Variants in GAREM1 observed in about 807,000 individuals in gnomAD.
GAREM1 encodes GRB2-associated and regulator of MAPK protein 1.
In GAREM1, 26 loss-of-function variants were observed where a neutral mutation model predicts 71.3. That is an observed-to-expected ratio of 0.36 (90% confidence interval 0.27 to 0.51). The LOEUF (loss-of-function observed/expected upper bound fraction) is 0.51. GAREM1 is among the 20% of genes least tolerant of loss of function. GAREM1 has a pLI of 0.95. For synonymous variants in GAREM1, 440 were observed against 433.2 expected (o/e 1.02, Z -0.20); for missense variants, 1,026 against 1,103.1 (o/e 0.93, Z 0.99).
chr18:32,404,182 C>G (rs2048344259), intron 1 of GAREM1, among the ~76,000 whole-genome samples: 1 of 152,106 alleles, frequency 6.6e-6, no homozygotes, highest in Admixed American at 6.5e-5. Flanking sequence ...ATTAAAGCAC[C>G]CTTGTGAATT....
At chr18:32,340,663 C>T (rs534114458) in intron 2 of GAREM1, among the ~76,000 whole-genome samples, 1 of 152,206 alleles carries the variant, frequency 6.6e-6, no homozygotes, top group East Asian at 1.9e-4. Flanking sequence ...TGCAACAACT[C>T]AACAATAGGA....
At chr18:32,420,802 C>T (rs1022030084) in intron 1 of GAREM1, among the ~76,000 whole-genome samples, 4 of 151,064 alleles carry the variant, frequency 2.6e-5, no homozygotes, top group Admixed American at 6.6e-5. Flanking sequence ...AAGAGAGCCA[C>T]ATAGTACTTA....
chr18:32,468,158 C>T (rs2049016008), intron 1 of GAREM1, among the ~76,000 whole-genome samples: 1 of 152,204 alleles, frequency 6.6e-6, no homozygotes, highest in African/African-American at 2.4e-5. Flanking sequence ...GACTGACATG[C>T]TTGTTCAGCA....
Position 32,270,205 on chromosome 18 carries a change from AG to A in GAREM1, c.1733+11del. 2.5e-6 allele frequency: 4 copies of A among 1,613,344 alleles called. No homozygotes were observed. The highest frequency in any genetic ancestry group is 3.4e-6 in the Non-Finnish European group (4 of 1,179,716). On this transcript the variant is annotated intron_variant, in intron 5 of 5. Transcript: ENST00000269209. Reference sequence around the variant, plus strand: ...AGATAAGCGTGCAGTGGGACCTGGCAGGAAGACTTACATGTTGTGTAGCCCT... The same window carrying A: ...AGATAAGCGTGCAGTGGGACCTGGCAGAAGACTTACATGTTGTGTAGCCCT...
intron 5 of GAREM1, among the ~76,000 whole-genome samples, chr18:32,269,714 C>G (rs2041429816): frequency 6.6e-6 from 1 of 151,880 alleles, no homozygotes; most frequent in Non-Finnish European, 1.5e-5. Context: ...AGCTGTGTTG[C>G]AGAAGAATGA....
intron 2 of GAREM1, among the ~76,000 whole-genome samples, chr18:32,368,484 T>C (rs1055968205): frequency 1.3e-5 from 2 of 152,206 alleles, no homozygotes; most frequent in Admixed American, 6.5e-5. Context: ...TTCTGCCTAG[T>C]AGAATTAAAA....
intron 1 of GAREM1, among the ~76,000 whole-genome samples, chr18:32,435,251 G>T (rs1411803277): frequency 6.6e-6 from 1 of 151,108 alleles, no homozygotes; most frequent in Non-Finnish European, 1.5e-5. Context: ...TGAATCTTGG[G>T]ATGAAAAAAA....
At position 32,431,121 on chromosome 18, in the gene GAREM1, A is replaced by G. The variant is rs560683500; in HGVS notation, c.122-38086T>C. Among the ~76,000 whole-genome samples the G allele has an allele frequency of 7.2e-5, 11 of 152,312 alleles. No homozygotes were observed. The East Asian group carries it at 2.1e-3, about 29-fold the overall frequency. ...CCACTACCCAAGACCAAGACTGGTTACTGAGTGGTGCACACAGATGTCAGA... is the reference window on the plus strand; with the variant it reads ...CCACTACCCAAGACCAAGACTGGTTGCTGAGTGGTGCACACAGATGTCAGA... On this transcript the variant is annotated intron_variant, in intron 1 of 5. Coordinates refer to ENST00000269209, the MANE Select transcript of GAREM1 (RefSeq NM_001242409.2).
intron 1 of GAREM1, among the ~76,000 whole-genome samples, chr18:32,458,842 AAGGT>A (rs2048924986): frequency 6.6e-6 from 1 of 152,120 alleles, no homozygotes; most frequent in East Asian, 1.9e-4. Context: ...TCCACTGCTG[AAGGT>A]AGAATCTTTC....
chr18:32,327,934 T>G (rs541865981), intron 2 of GAREM1, among the ~76,000 whole-genome samples: 1 of 152,266 alleles, frequency 6.6e-6, no homozygotes, highest in East Asian at 1.9e-4. Flanking sequence ...ATAGGTACAA[T>G]GCTCAACAAA....
At chr18:32,397,081 A>C (rs2048264889) in intron 1 of GAREM1, among the ~76,000 whole-genome samples, 1 of 152,154 alleles carries the variant, frequency 6.6e-6, no homozygotes, top group African/African-American at 2.4e-5. Flanking sequence ...GAAATAAAAT[A>C]CTTTACAGAC....
intron 1 of GAREM1, among the ~76,000 whole-genome samples, chr18:32,426,039 GA>G (rs1436915702): frequency 9.7e-4 from 147 of 152,102 alleles, no homozygotes; most frequent in African/African-American, 3.5e-3. Context: ...TTGTTTTTGA[GA>G]CGGAATCTTG....
At chr18:32,343,781 G>C (rs1328839060) in intron 2 of GAREM1, among the ~76,000 whole-genome samples, 1 of 152,128 alleles carries the variant, frequency 6.6e-6, no homozygotes, top group Admixed American at 6.5e-5. Context: ...ATCTGGCACT[G>C]TCTAGATCCA....
chr18:32,451,356 G>A (rs897215098), intron 1 of GAREM1, among the ~76,000 whole-genome samples: 1 of 150,828 alleles, frequency 6.6e-6, no homozygotes, highest in Non-Finnish European at 1.5e-5. Context: ...CAGCACAAGT[G>A]AACAATAAAC....
At chr18:32,367,752 A>T (rs553377626) in intron 2 of GAREM1, among the ~76,000 whole-genome samples, 1 of 152,304 alleles carries the variant, frequency 6.6e-6, no homozygotes, top group South Asian at 2.1e-4. Context: ...ACGAACCATG[A>T]TGACCATACA....
chr18:32,396,639 A>T (rs985874527), intron 1 of GAREM1, among the ~76,000 whole-genome samples: 4 of 152,246 alleles, frequency 2.6e-5, no homozygotes, highest in African/African-American at 9.6e-5. Context: ...AAAGCCTCCA[A>T]GAAATATGGG....
At chr18:32,425,069 C>A (rs1362982049) in intron 1 of GAREM1, among the ~76,000 whole-genome samples, 1 of 152,124 alleles carries the variant, frequency 6.6e-6, no homozygotes, top group Non-Finnish European at 1.5e-5. Context: ...TCACTTGGCT[C>A]CTCCCCTCCA....
intron 1 of GAREM1, among the ~76,000 whole-genome samples, chr18:32,455,191 C>T (rs893493007): frequency 2.0e-5 from 3 of 152,106 alleles, no homozygotes; most frequent in African/African-American, 7.2e-5. Flanking sequence ...GTAAGATTTA[C>T]ATTGCCCTAC....
intron 2 of GAREM1, among the ~76,000 whole-genome samples, chr18:32,373,498 AT>A (rs1349250922): frequency 2.0e-5 from 3 of 152,126 alleles, no homozygotes; most frequent in African/African-American, 7.2e-5. Flanking sequence ...CCAGACCTAC[AT>A]TTTCTCTTCC....
Sources: allele counts gnomAD v4.1 joint callset (sites outside exome capture counted in the v4.1 genomes callset), GRCh38; gene constraint gnomAD v4.1.1; transcripts MANE v1.5; gene names NCBI Gene and HGNC (gene_info 2026-07-23, HGNC 2026-07-21).